The following MYH7B variants were observed in gnomAD, a reference collection of about 807,000 sequenced individuals.
The protein encoded by MYH7B is myosin heavy chain 7B.
In MYH7B, 205 loss-of-function variants were observed where a neutral mutation model predicts 234.5. That is an observed-to-expected ratio of 0.87 (90% CI 0.78 to 0.98). The LOEUF (loss-of-function observed/expected upper bound fraction) is 0.98, where lower values mean the gene tolerates loss of function less well. MYH7B is among the 50% of genes least tolerant of loss of function. The pLI is 0.00. For synonymous variants in MYH7B, 1,193 were observed against 1,105.0 expected, an observed-to-expected ratio of 1.08 and a Z score of -1.58; for missense variants, 2,652 against 2,633.4, an observed-to-expected ratio of 1.01 and a Z score of -0.15.
rs367556657 is a variant in MYH7B, at chr20:34,998,393, G to A, written c.3846G>A (p.Thr1282=). ...AGCGGCAGCTGGCGGACGCAAGCAC[G>A]CAGCGTGGGCGACTACAGACGGAAA... The change falls in exon 33 of 45, where the codon ACG becomes ACA. Residue 1282 remains threonine, a synonymous_variant. Transcript: ENST00000262873. The A allele has an allele frequency of 8.7e-6, 14 of 1,613,256 alleles. 1 individual carries two copies. The highest frequency in any genetic ancestry group is 4.4e-5 in the South Asian group (4 of 91,072).
intron 24 of MYH7B, among the ~76,000 whole-genome samples, chr20:34,992,422 T>A (rs1014604480): frequency 6.6e-6 from 1 of 151,410 alleles, no homozygotes; most frequent in Non-Finnish European, 1.5e-5. Flanking sequence ...CCCCAAATGT[T>A]TCTTCAGTGA....
chr20:34,958,423 G>A (rs561888725), intron 2 of MYH7B, among the ~76,000 whole-genome samples: 2 of 152,250 alleles, frequency 1.3e-5, no homozygotes, highest in South Asian at 4.1e-4. Context: ...TCATTCAGAT[G>A]TTTCATCCCT....
intron 2 of MYH7B, among the ~76,000 whole-genome samples, chr20:34,962,188 C>T (rs1288032461): frequency 6.6e-6 from 1 of 152,146 alleles, no homozygotes; most frequent in East Asian, 1.9e-4. Flanking sequence ...GGTCACGCCA[C>T]TGCACTCCAG....
chr20:34,974,964 T>A, intron 2 of MYH7B, among the ~76,000 whole-genome samples: 1 of 152,152 alleles, frequency 6.6e-6, no homozygotes, highest in East Asian at 1.9e-4. Context: ...AACAGTGAGG[T>A]TCTCACAGAG....
In MYH7B at chr20:34,979,697, A is replaced by G. The variant is rs774618536; in HGVS notation, c.235A>G (p.Asn79Asp). The G allele has an allele frequency of 4.4e-5, 71 of 1,614,042 alleles. No homozygotes were observed. The highest frequency in any genetic ancestry group is 5.5e-5 in the Non-Finnish European group (65 of 1,180,030). The change falls in exon 7 of 45, where the codon AAC (asparagine) becomes GAC (aspartate). Residue 79 changes from asparagine (N) to aspartate (D), a missense_variant. Around this residue, in one of 3 missense-constraint regions of MYH7B, gnomAD observed 366 missense variants for 401.2 expected, o/e 0.91. Coordinates refer to ENST00000262873, the Ensembl canonical transcript of MYH7B. ...GCGTGAAGCCGAGCTGCAGCCCATG[A>G]ACCCGCCTCGCTTCGACTTACTGGA... is the stretch of plus-strand genomic sequence containing the variant.
In MYH7B at chr20:34,987,761, C is replaced by A. The variant is rs2082058100; in HGVS notation, c.1267-4C>A. 6.2e-7 allele frequency: 1 copy of A among 1,614,064 alleles called. No homozygotes were observed. Among genetic ancestry groups the A allele is most frequent in the Non-Finnish European group, 8.5e-7 (1 of 1,180,024 alleles). ...GTCCCAGCCCAGCCTCCCTGCACCTCCAGGTGGTGTTTGCTGTGGGGGCTC... is the reference window on the plus strand; with the variant it reads ...GTCCCAGCCCAGCCTCCCTGCACCTACAGGTGGTGTTTGCTGTGGGGGCTC... On this transcript the variant is annotated splice_region_variant and splice_polypyrimidine_tract_variant and intron_variant, in intron 17 of 44. Transcript: ENST00000262873.
chr20:34,996,299 A>T (rs377711677), intron 28 of MYH7B, 47 bp from the exon 29 acceptor site: 1 of 1,543,506 alleles, frequency 6.5e-7, no homozygotes, highest in Admixed American at 2.0e-5. Context: ...GTGGCCGCTC[A>T]GAGTGCGGGG....
intron 2 of MYH7B, among the ~76,000 whole-genome samples, chr20:34,974,248 T>TA (rs2081823424): frequency 6.7e-6 from 1 of 148,712 alleles, no homozygotes; most frequent in Non-Finnish European, 1.5e-5. Context: ...TTTTTTTTTT[T>TA]AAGTAGAAAC....
chr20:34,996,532 G>A lies in MYH7B; in HGVS notation c.3120+10G>A, dbSNP rs1022743730. 5.6e-6 allele frequency: 9 copies of A among 1,608,038 alleles called. No homozygotes were observed. Among genetic ancestry groups the A allele is most frequent in the Non-Finnish European group, 7.6e-6 (9 of 1,177,054 alleles). ...GCAACAGGTGGAGGACGTGAGTCAGGGCCACCCCGAGACTGGGTGGCGGGG... is the reference window on the plus strand; with the variant it reads ...GCAACAGGTGGAGGACGTGAGTCAGAGCCACCCCGAGACTGGGTGGCGGGG... On this transcript the variant is annotated intron_variant, in intron 29 of 44. Transcript: ENST00000262873.
intron 24 of MYH7B, among the ~76,000 whole-genome samples, chr20:34,992,566 T>TG (rs1253188071): frequency 6.8e-6 from 1 of 147,250 alleles, no homozygotes; most frequent in African/African-American, 2.5e-5. Context: ...GTTGTGTTTT[T>TG]TTTTTTTTTT....
At chr20:34,959,227 C>T (rs1057043788) in intron 2 of MYH7B, among the ~76,000 whole-genome samples, 1 of 152,196 alleles carries the variant, frequency 6.6e-6, no homozygotes, top group Non-Finnish European at 1.5e-5. Flanking sequence ...TTGGGGATCT[C>T]AGATCAAGAC....
intron 2 of MYH7B, among the ~76,000 whole-genome samples, chr20:34,964,130 G>A (rs759575317): frequency 1.3e-5 from 2 of 152,034 alleles, no homozygotes; most frequent in Non-Finnish European, 2.9e-5. Context: ...AGACTTACAA[G>A]GTAATACAAA....
In MYH7B at chr20:34,997,569, A is replaced by G. The variant is rs532591788; in HGVS notation, c.3676A>G (p.Lys1226Glu). 10 of 1,612,772 alleles carry G rather than the reference A, an allele frequency of 6.2e-6. No individual in the cohort carries two copies. The East Asian group carries it at 6.7e-5, about 11-fold the overall frequency. Reference sequence around the variant, plus strand: ...GCAGCGGGTGCGGCAGAAGCTGGAGAAGGAGAAGAGTGAGCTGCGCATGGA... The same window carrying G: ...GCAGCGGGTGCGGCAGAAGCTGGAGGAGGAGAAGAGTGAGCTGCGCATGGA... Residue 1226 changes from lysine to glutamate, a missense_variant, in exon 32 of 45, where the codon AAG becomes GAG. By Grantham distance (56) the Lys-to-Glu change is moderately conservative. Coordinates refer to ENST00000262873, the Ensembl canonical transcript of MYH7B.
intron 38 of MYH7B, 38 bp downstream of exon 38, chr20:34,999,944 C>G: frequency 1.3e-6 from 2 of 1,562,832 alleles, no homozygotes; most frequent in Non-Finnish European, 1.8e-6. Flanking sequence ...CTCCCGAGAG[C>G]AGAAGGGGAG....
chr20:35,000,643 A>G lies in MYH7B; in HGVS notation c.5132A>G (p.Gln1711Arg), dbSNP rs376051157. The G allele has an allele frequency of 5.1e-6, 8 of 1,581,794 alleles. No homozygotes were observed. The African/African-American group carries it at 6.7e-5, about 13-fold the overall frequency. Residue 1711 changes from glutamine (Q) to arginine (R), a missense_variant, in exon 39 of 45, where the codon CAG becomes CGG. Transcript: ENST00000262873. ...GAGCGCAGCCGGCGACTGGCAGAGC[A>G]GGAGCTTTTGGAGGCCACCGAGCGC...
chr20:35,002,185 G>A (rs1411355111), exon 45 of MYH7B: 2 of 1,545,212 alleles, frequency 1.3e-6, no homozygotes, highest in South Asian at 1.2e-5. Flanking sequence ...AGCACAAGGA[G>A]TGACGGCCTG....
exon 16 of MYH7B, chr20:34,987,228 G>C (rs202180889): frequency 1.2e-6 from 2 of 1,612,228 alleles, no homozygotes; most frequent in South Asian, 2.2e-5. Context: ...CTGCACTTTG[G>C]CAACATGAAG....
At position 34,998,806 on chromosome 20, in the gene MYH7B, C is replaced by T. The variant is rs757697240; in HGVS notation, c.4081C>T (p.Gln1361Ter). 3.2e-5 allele frequency: 52 copies of T among 1,613,100 alleles called. No individual in the cohort carries two copies. The highest frequency in any genetic ancestry group is 4.3e-5 in the Non-Finnish European group (51 of 1,179,986). Residue 1361 changes from glutamine to a stop codon, truncating the protein, a stop_gained, in exon 35 of 45, where the codon CAG becomes TAG. Coordinates refer to ENST00000262873, the Ensembl canonical transcript of MYH7B. LOFTEE classifies it high-confidence loss of function. ...GCAACACGAGGAGGAGGCTGAGGCCCAGGCTGAGCTGCAGCGGCTGCTGTC... is the reference window on the plus strand; with the variant it reads ...GCAACACGAGGAGGAGGCTGAGGCCTAGGCTGAGCTGCAGCGGCTGCTGTC...
At chr20:34,963,703 G>C (rs145340546) in intron 2 of MYH7B, among the ~76,000 whole-genome samples, 125 of 152,202 alleles carry the variant, frequency 8.2e-4, no homozygotes, top group Middle Eastern at 3.4e-3. Context: ...GAGTTTTATA[G>C]TTTTGGCTCT....
Sources: gnomAD v4.1 joint callset for allele counts (sites outside exome capture counted in the v4.1 genomes callset) on GRCh38, gnomAD v4.1.1 for gene constraint, gnomAD v4.1.1 regional missense constraint, MANE v1.5 for transcripts, NCBI Gene and HGNC (gene_info 2026-07-23, HGNC 2026-07-21) for gene names.